Variants in FARP2 observed in about 807,000 individuals in gnomAD.
FARP2 encodes FERM, ARH/RhoGEF and pleckstrin domain protein 2.
Under a neutral mutation model 130.5 loss-of-function variants are expected in FARP2, and 111 were observed. The observed-to-expected ratio is 0.85, with a 90% CI of 0.73 to 1.00. The LOEUF is 1.00. FARP2 is among the 50% of genes least tolerant of loss of function. The pLI, the probability that FARP2 is intolerant of heterozygous loss-of-function variation, is 0.00. For missense variants in FARP2, 1,385 were observed against 1,346.3 expected, an observed-to-expected ratio of 1.03 and a Z score of -0.45; for synonymous variants, 504 against 516.9, an observed-to-expected ratio of 0.98 and a Z score of 0.34.
At chr2:241,370,139 A>AACT (rs1244557627) in intron 1 of FARP2, among the ~76,000 whole-genome samples, 5 of 152,210 alleles carry the variant, frequency 3.3e-5, no homozygotes, top group Non-Finnish European at 2.9e-5. Flanking sequence ...AACTATAGTT[A>AACT]ATACCTTATT....
chr2:241,431,653 T>C, intron 8 of FARP2, 26 bp from the exon 9 acceptor site: 1 of 1,208,218 alleles, frequency 8.3e-7, no homozygotes. Context: ...GATACAAATG[T>C]AATCTGTCTG....
chr2:241,470,342 GTTCTGAGGGGGACCCTT>G (rs1482560170), intron 18 of FARP2, among the ~76,000 whole-genome samples: 1 of 152,212 alleles, frequency 6.6e-6, no homozygotes. Context: ...GGGGGAACCT[GTTCTGAGGGGGACCCTT>G]TTCTGAGGGG....
intron 8 of FARP2, among the ~76,000 whole-genome samples, chr2:241,422,020 T>G (rs1446658817): frequency 6.6e-6 from 1 of 151,872 alleles, no homozygotes; most frequent in Non-Finnish European, 1.5e-5. Flanking sequence ...GGTGGGCACC[T>G]GTAGTCCCAG....
At chr2:241,434,913 T>C in intron 10 of FARP2, 49 bp from the exon 11 acceptor site, 1 of 1,098,744 alleles carries the variant, frequency 9.1e-7, no homozygotes, top group Non-Finnish European at 1.4e-6. Context: ...TCTGAAAAAT[T>C]AATGCTGACT....
chr2:241,465,925 GCCT>G (rs2064157412), intron 17 of FARP2: 1 of 1,422,904 alleles, frequency 7.0e-7, no homozygotes, highest in African/African-American at 1.4e-5. Context: ...CCCTTTTCCT[GCCT>G]CGACGGAAGC....
intron 2 of FARP2, among the ~76,000 whole-genome samples, chr2:241,392,446 G>T (rs934989925): frequency 6.6e-6 from 1 of 152,188 alleles, no homozygotes; most frequent in Non-Finnish European, 1.5e-5. Flanking sequence ...ATTTCATGTT[G>T]TACTGTTTCC....
At chr2:241,440,382 G>A (rs1331244824) in intron 12 of FARP2, among the ~76,000 whole-genome samples, 1 of 152,216 alleles carries the variant, frequency 6.6e-6, no homozygotes, top group Non-Finnish European at 1.5e-5. Flanking sequence ...GTGTCCTTGT[G>A]TGTGGAACCA....
intron 2 of FARP2, among the ~76,000 whole-genome samples, chr2:241,380,538 T>C (rs1273168776): frequency 2.0e-5 from 3 of 152,134 alleles, no homozygotes; most frequent in African/African-American, 7.2e-5. Flanking sequence ...GATTTTGGAA[T>C]ATTTGCATTA....
intron 21 of FARP2, among the ~76,000 whole-genome samples, chr2:241,487,666 CA>C (rs200798199): frequency 2.3e-4 from 26 of 115,352 alleles, no homozygotes; most frequent in Middle Eastern, 4.4e-3. Flanking sequence ...GACTCCCTCT[CA>C]AAAAAAAAAA....
At chr2:241,399,486 G>A (rs2062111716) in intron 2 of FARP2, among the ~76,000 whole-genome samples, 1 of 152,150 alleles carries the variant, frequency 6.6e-6, no homozygotes, top group African/African-American at 2.4e-5. Flanking sequence ...TGTGTTTTTA[G>A]TAGAGAGTAG....
At chr2:241,360,501 C>G (rs946027412) in intron 1 of FARP2, among the ~76,000 whole-genome samples, 2 of 151,836 alleles carry the variant, frequency 1.3e-5, no homozygotes, top group African/African-American at 4.8e-5. Context: ...TGAAACCCCC[C>G]GTCTCTACTA....
rs759858746 is a variant in FARP2, at chr2:241,493,422, G to A, written c.3025G>A (p.Glu1009Lys). Residue 1009 changes from glutamate to lysine, a missense_variant, in exon 26 of 27, where the codon GAG becomes AAG. Coordinates refer to ENST00000264042, the MANE Select transcript of FARP2 (RefSeq NM_014808.4). ...ATCCCACGTCTACTTCTTCCGGGCT[G>A]AGAGCAAGTACACATTTGAAAGGTA... ...FKSHVYFFRA[E>K]SKYTFERWME... 2.7e-5 allele frequency: 44 copies of A among 1,613,764 alleles called. 1 individual carries two copies. In the Admixed American group the frequency reaches 7.0e-4, roughly 26 times the overall value.
At chr2:241,392,272 G>T (rs554424636) in intron 2 of FARP2, among the ~76,000 whole-genome samples, 1 of 152,214 alleles carries the variant, frequency 6.6e-6, no homozygotes, top group Non-Finnish European at 1.5e-5. Context: ...CCTTCTTGTT[G>T]TATCTCCCCA....
intron 22 of FARP2, among the ~76,000 whole-genome samples, chr2:241,490,799 C>G (rs770935965): frequency 1.2e-4 from 19 of 152,354 alleles, no homozygotes; most frequent in Non-Finnish European, 2.1e-4. Flanking sequence ...AATACCCCTG[C>G]AGACCCCCTG....
At chr2:241,399,614 T>C (rs993308374) in intron 2 of FARP2, among the ~76,000 whole-genome samples, 1 of 152,210 alleles carries the variant, frequency 6.6e-6, no homozygotes, top group Non-Finnish European at 1.5e-5. Flanking sequence ...CCAGCCTCTT[T>C]GTTGGGTTTT....
intron 1 of FARP2, among the ~76,000 whole-genome samples, chr2:241,359,390 TC>T (rs2061133523): frequency 1.3e-5 from 2 of 152,152 alleles, no homozygotes; most frequent in African/African-American, 2.4e-5. Context: ...TGTGGTCATG[TC>T]CTATCCCAGC....
chr2:241,434,912 T>G, intron 10 of FARP2, 50 bp from the exon 11 acceptor site: 2 of 1,095,754 alleles, frequency 1.8e-6, no homozygotes, highest in South Asian at 1.3e-5. Flanking sequence ...CTCTGAAAAA[T>G]TAATGCTGAC....
intron 14 of FARP2, among the ~76,000 whole-genome samples, chr2:241,461,703 C>T (rs1305768978): frequency 6.6e-6 from 1 of 152,236 alleles, no homozygotes; most frequent in African/African-American, 2.4e-5. Flanking sequence ...TGGATATTTG[C>T]ACGGCCCACC....
rs550097827 is a variant in FARP2 at position 241,425,185 on chromosome 2, C to T, written c.772-6494C>T. On this transcript the variant is annotated intron_variant, in intron 8 of 26. Transcript: ENST00000264042. ...TCAAGCCACTATACTCCAGTCTGGG[C>T]GATGAAGTGCGACCCTGTCTCAAAA... is the stretch of plus-strand genomic sequence containing the variant. 2.1e-4 allele frequency among the ~76,000 whole-genome samples: 32 copies of T among 151,950 alleles called. No homozygotes were observed. In the South Asian group the frequency reaches 2.5e-3, roughly 12 times the overall value.
Sources: gnomAD v4.1 joint callset for allele counts (sites outside exome capture counted in the v4.1 genomes callset) on GRCh38, gnomAD v4.1.1 for gene constraint, MANE v1.5 for transcripts, NCBI Gene and HGNC (gene_info 2026-07-23, HGNC 2026-07-21) for gene names.